MAML2: variants seen among roughly 807,000 people sequenced by gnomAD.
MAML2 encodes mastermind-like protein 2.
Under a neutral mutation model 96.1 loss-of-function variants are expected in MAML2, and 22 were observed. That is an observed-to-expected ratio of 0.23 (90% confidence interval 0.16 to 0.33). MAML2 has a LOEUF of 0.33. Ranked by LOEUF, MAML2 falls within the 10% of genes least tolerant of loss-of-function variation. The pLI, the probability that MAML2 is intolerant of heterozygous loss-of-function variation, is 1.00. For synonymous variants in MAML2, 561 were observed against 521.3 expected, an observed-to-expected ratio of 1.08 and a Z score of -1.04; for missense variants, 1,367 against 1,392.4, an observed-to-expected ratio of 0.98 and a Z score of 0.29.
At chr11:96,231,359 A>T (rs1862291123) in intron 1 of MAML2, among the ~76,000 whole-genome samples, 1 of 152,238 alleles carries the variant, frequency 6.6e-6, no homozygotes, top group African/African-American at 2.4e-5. Context: ...GAAATACAGT[A>T]GATGCTAAAT....
chr11:96,141,166 C>T (rs1860724883), intron 1 of MAML2, among the ~76,000 whole-genome samples: 1 of 151,976 alleles, frequency 6.6e-6, no homozygotes, highest in African/African-American at 2.4e-5. Context: ...TGGTGAGGTG[C>T]TTACTTTTAG....
At chr11:96,066,782 C>T (rs1330554611) in intron 2 of MAML2, among the ~76,000 whole-genome samples, 1 of 152,078 alleles carries the variant, frequency 6.6e-6, no homozygotes, top group Admixed American at 6.6e-5. Flanking sequence ...CAGATACTAA[C>T]AAAAACACAA....
chr11:96,291,102 GT>G (rs1477728638), intron 1 of MAML2, among the ~76,000 whole-genome samples: 8 of 107,396 alleles, frequency 7.4e-5, no homozygotes, highest in South Asian at 7.1e-4. Context: ...ATCTGTGTTA[GT>G]TTTTCACAAG....
chr11:96,239,689 G>A (rs1862407286), intron 1 of MAML2, among the ~76,000 whole-genome samples: 1 of 152,160 alleles, frequency 6.6e-6, no homozygotes, highest in Non-Finnish European at 1.5e-5. Flanking sequence ...TTTCCATTTG[G>A]AGTCTATTGT....
Position 96,184,617 on chromosome 11 carries a change from T to C in MAML2, c.514-91100A>G, listed in dbSNP as rs1459078756. On this transcript the variant is annotated intron_variant, in intron 1 of 4. Transcript: ENST00000524717. ...TTTTTTTTTTTTTTTTTGAGATGAG[T>C]CTCACTCTGTTTCCCAGGCTGGAGT... is the stretch of plus-strand genomic sequence containing the variant. Among the ~76,000 whole-genome samples, 5 of 142,152 alleles carry C rather than the reference T, an allele frequency of 3.5e-5. No homozygotes were observed. The East Asian group carries it at 1.0e-3, about 30-fold the overall frequency. The allele number at this position is 142,152 out of a possible 152,430, so 93.3% of individuals were successfully genotyped here.
intron 2 of MAML2, among the ~76,000 whole-genome samples, chr11:96,013,721 G>C (rs935258886): frequency 1.3e-5 from 2 of 152,194 alleles, no homozygotes; most frequent in African/African-American, 4.8e-5. Context: ...CTGGCGGGAC[G>C]AGGTGGGGCT....
chr11:96,013,408 G>A (rs1277908019), intron 2 of MAML2, among the ~76,000 whole-genome samples: 1 of 152,170 alleles, frequency 6.6e-6, no homozygotes, highest in Non-Finnish European at 1.5e-5. Flanking sequence ...AAGTGATACA[G>A]GACTGCTAGG....
intron 2 of MAML2, among the ~76,000 whole-genome samples, chr11:96,043,320 C>G (rs1011782255): frequency 1.3e-5 from 2 of 152,092 alleles, no homozygotes; most frequent in Non-Finnish European, 2.9e-5. Context: ...ACAGGGAGGT[C>G]CAGGCAGAAG....
At chr11:96,037,187 A>C (rs1480948233) in intron 2 of MAML2, among the ~76,000 whole-genome samples, 5 of 148,430 alleles carry the variant, frequency 3.4e-5, no homozygotes, top group African/African-American at 1.3e-4. Context: ...AAAATAAAAA[A>C]TAAAAAAACA....
At chr11:96,188,326 T>C (rs1249383875) in intron 1 of MAML2, among the ~76,000 whole-genome samples, 1 of 152,214 alleles carries the variant, frequency 6.6e-6, no homozygotes, top group Admixed American at 6.5e-5. Context: ...TTTGCTTGAA[T>C]AGAAAATGGA....
chr11:96,092,090 C>T lies in MAML2; in HGVS notation c.1941G>A (p.Gln647=), dbSNP rs61749250. ...SAQQQQQQQQ[Q]QQQQQQQQQQ... ...GCTGTTGTTGTTGCTGCTGCTGCTG[C>T]TGTTGTTGCTGCTGCTGCTGCTGTT... The change falls in exon 2 of 5, where the codon CAG becomes CAA. Residue 647 remains glutamine, a synonymous_variant. Transcript: ENST00000524717. The surrounding 1 kb of genome is among the most constrained non-coding windows in gnomAD (Gnocchi z 4.1). The T allele has an allele frequency of 6.5e-7, 1 of 1,543,224 alleles. No individual in the cohort carries two copies. Among genetic ancestry groups the T allele is most frequent in the Non-Finnish European group, 8.8e-7 (1 of 1,142,072 alleles).
intron 1 of MAML2, among the ~76,000 whole-genome samples, chr11:96,178,312 T>G (rs921863401): frequency 6.6e-5 from 10 of 152,184 alleles, no homozygotes; most frequent in African/African-American, 2.4e-4. Context: ...ATGAGTGCCT[T>G]GTTTTTAATG....
At chr11:96,039,202 C>T (rs1272120937) in intron 2 of MAML2, among the ~76,000 whole-genome samples, 1 of 151,844 alleles carries the variant, frequency 6.6e-6, no homozygotes, top group Non-Finnish European at 1.5e-5. Flanking sequence ...TTTCAGGGAG[C>T]CATGATTGCA....
At chr11:96,227,017 C>G (rs928431927) in intron 1 of MAML2, among the ~76,000 whole-genome samples, 4 of 152,176 alleles carry the variant, frequency 2.6e-5, no homozygotes, top group African/African-American at 7.2e-5. Flanking sequence ...AAACCAGTAG[C>G]TACACTATGC....
chr11:96,026,019 TCAA>T (rs1286536202), intron 2 of MAML2, among the ~76,000 whole-genome samples: 1 of 152,246 alleles, frequency 6.6e-6, no homozygotes, highest in Non-Finnish European at 1.5e-5. Context: ...CACTGATTCT[TCAA>T]CAAGAGTTTT....
intron 1 of MAML2, among the ~76,000 whole-genome samples, chr11:96,225,046 G>A (rs1290151271): frequency 1.3e-5 from 2 of 152,192 alleles, no homozygotes; most frequent in African/African-American, 4.8e-5. Flanking sequence ...CTCTGGGGGA[G>A]TTTCAATGTT....
intron 1 of MAML2, among the ~76,000 whole-genome samples, chr11:96,188,909 T>TAA (rs34113170): frequency 6.7e-6 from 1 of 149,604 alleles, no homozygotes; most frequent in African/African-American, 2.5e-5. Context: ...TGTTCAACAT[T>TAA]AAAAAAAAAA....
At chr11:96,149,432 A>AATAAAT (rs59453325) in intron 1 of MAML2, among the ~76,000 whole-genome samples, 1 of 112,588 alleles carries the variant, frequency 8.9e-6, no homozygotes, top group East Asian at 2.4e-4. Flanking sequence ...AAAAAAAAAA[A>AATAAAT]TGAGAAGTTA....
chr11:96,247,637 C>A (rs1303955091), intron 1 of MAML2, among the ~76,000 whole-genome samples: 2 of 152,128 alleles, frequency 1.3e-5, no homozygotes, highest in Non-Finnish European at 2.9e-5. Flanking sequence ...CATCGTTAGT[C>A]TCACTGGAAA....
Sources: allele counts gnomAD v4.1 joint callset (sites outside exome capture counted in the v4.1 genomes callset), GRCh38; gene constraint gnomAD v4.1.1; non-coding constraint Gnocchi (gnomAD v3.1); transcripts MANE v1.5; gene names NCBI Gene and HGNC (gene_info 2026-07-23, HGNC 2026-07-21).